The following TBXAS1 variants were observed in gnomAD, a reference collection of about 807,000 sequenced individuals.
TBXAS1 encodes the protein thromboxane-A synthase.
In TBXAS1, 48 loss-of-function variants were observed where a neutral mutation model predicts 60.7. That is an observed-to-expected ratio of 0.79 (90% confidence interval 0.63 to 1.01). The LOEUF is 1.01. TBXAS1 is among the 50% of genes least tolerant of loss of function. TBXAS1 has a pLI of 0.00. For synonymous variants in TBXAS1, 287 were observed against 269.7 expected, an observed-to-expected ratio of 1.06 and a Z score of -0.63; for missense variants, 685 against 686.3, an observed-to-expected ratio of 1.00 and a Z score of 0.02.
intron 4 of TBXAS1, among the ~76,000 whole-genome samples, chr7:139,804,332 G>C (rs1797790534): frequency 1.3e-5 from 2 of 152,226 alleles, no homozygotes; most frequent in Non-Finnish European, 2.9e-5. Context: ...TGAAATGGAT[G>C]TATTTACCCA....
chr7:139,837,073 C>T (rs570339637), intron 1 of TBXAS1, among the ~76,000 whole-genome samples: 1 of 152,302 alleles, frequency 6.6e-6, no homozygotes, highest in East Asian at 1.9e-4. Context: ...ACAACACTAA[C>T]GACCAGGGAA....
At chr7:139,821,959 T>C (rs1376472210) in intron 4 of TBXAS1, among the ~76,000 whole-genome samples, 3 of 152,188 alleles carry the variant, frequency 2.0e-5, no homozygotes, top group Non-Finnish European at 4.4e-5. Flanking sequence ...GTGGCTTCAG[T>C]GGAAACAATC....
At chr7:139,805,933 CTTTT>C (rs35769530) in intron 4 of TBXAS1, among the ~76,000 whole-genome samples, 15 of 104,774 alleles carry the variant, frequency 1.4e-4, no homozygotes, top group Non-Finnish European at 2.5e-4. Context: ...CAAATTTTTG[CTTTT>C]TTTTTTTTTT....
intron 3 of TBXAS1, among the ~76,000 whole-genome samples, chr7:139,903,799 G>A (rs1341020356): frequency 6.6e-6 from 1 of 151,700 alleles, no homozygotes; most frequent in Non-Finnish European, 1.5e-5. Context: ...TGATGGGATT[G>A]TTTGTTTTTT....
chr7:139,790,835 C>T (rs1398005491), intron 4 of TBXAS1, among the ~76,000 whole-genome samples: 1 of 152,236 alleles, frequency 6.6e-6, no homozygotes, highest in Admixed American at 6.5e-5. Flanking sequence ...CAGGGTCTCA[C>T]TGTGTCACCC....
intron 3 of TBXAS1, among the ~76,000 whole-genome samples, chr7:139,885,495 C>T (rs1803019699): frequency 6.6e-6 from 1 of 152,232 alleles, no homozygotes; most frequent in Non-Finnish European, 1.5e-5. Flanking sequence ...AAGCACATGG[C>T]TGTATGCATA....
At chr7:139,950,699 ACGGGACCCCC>A (rs1809155906) in intron 5 of TBXAS1, among the ~76,000 whole-genome samples, 1 of 146,370 alleles carries the variant, frequency 6.8e-6, no homozygotes, top group Non-Finnish European at 1.5e-5. Flanking sequence ...CCCTCCATCT[ACGGGACCCCC>A]TCGCCCTCCA....
At chr7:139,985,059 T>C (rs1193542536) in intron 9 of TBXAS1, among the ~76,000 whole-genome samples, 3 of 152,236 alleles carry the variant, frequency 2.0e-5, no homozygotes, top group Admixed American at 2.0e-4. Flanking sequence ...CCCAGGATTC[T>C]GCTGGAGATC....
chr7:140,019,880 A>C, intron 12 of TBXAS1, 145 bp from the exon 13 acceptor site: 1 of 762,988 alleles, frequency 1.3e-6, no homozygotes. Flanking sequence ...GGAGTCACTG[A>C]AAGATAGGTT....
At chr7:139,995,226 A>C (rs1354697476) in intron 9 of TBXAS1, among the ~76,000 whole-genome samples, 1 of 152,162 alleles carries the variant, frequency 6.6e-6, no homozygotes, top group Non-Finnish European at 1.5e-5. Context: ...TTTAACATGC[A>C]GTTGCTTTTA....
intron 5 of TBXAS1, among the ~76,000 whole-genome samples, chr7:139,938,922 G>A (rs1404993507): frequency 1.3e-5 from 2 of 152,152 alleles, no homozygotes; most frequent in Non-Finnish European, 2.9e-5. Flanking sequence ...CCCCTTACAG[G>A]GGATACTCCA....
chr7:139,893,781 T>C (rs1584786561), intron 3 of TBXAS1, among the ~76,000 whole-genome samples: 1 of 152,208 alleles, frequency 6.6e-6, no homozygotes, highest in East Asian at 1.9e-4. Context: ...GGCAGATTGG[T>C]TTGTAGCTTA....
At chr7:139,850,571 C>T (rs1430670238) in intron 1 of TBXAS1, among the ~76,000 whole-genome samples, 1 of 152,062 alleles carries the variant, frequency 6.6e-6, no homozygotes, top group Non-Finnish European at 1.5e-5. Flanking sequence ...AGTAGTGTCC[C>T]CTCGCCCCCA....
chr7:139,782,218 T>TGTTAAA (rs1317710677), intron 2 of TBXAS1, among the ~76,000 whole-genome samples: 1 of 149,354 alleles, frequency 6.7e-6, no homozygotes, highest in Non-Finnish European at 1.5e-5. Context: ...TTTTTTTTTT[T>TGTTAAA]AACAGTACAT....
chr7:139,873,583 G>A (rs1801988261), intron 2 of TBXAS1, among the ~76,000 whole-genome samples: 1 of 152,228 alleles, frequency 6.6e-6, no homozygotes, highest in Non-Finnish European at 1.5e-5. Flanking sequence ...AGGGGAACAG[G>A]GAGAATGGCT....
chr7:139,930,076 C>A (rs186422614), intron 4 of TBXAS1, among the ~76,000 whole-genome samples: 1 of 152,138 alleles, frequency 6.6e-6, no homozygotes, highest in African/African-American at 2.4e-5. Flanking sequence ...CCTCCAGCCG[C>A]GCCACATCCT....
At chr7:139,833,815 T>C (rs1236262142) in intron 1 of TBXAS1, among the ~76,000 whole-genome samples, 2 of 151,890 alleles carry the variant, frequency 1.3e-5, no homozygotes, top group East Asian at 3.9e-4. Context: ...TACAAAACAA[T>C]TAAAATAGGC....
chr7:139,962,041 C>T lies in TBXAS1; in HGVS notation c.942C>T (p.Ser314=). 2 of 1,614,234 alleles carry T rather than the reference C, an allele frequency of 1.2e-6. No individual in the cohort carries two copies. Among genetic ancestry groups the T allele is most frequent in the Non-Finnish European group, 1.7e-6 (2 of 1,180,046 alleles). ...FSSTGCKPNP[S]RQHQPSPMAR... Reference sequence around the variant, plus strand: ...CTACTGGGTGCAAGCCGAACCCTTCCCGGCAACACCAGCCCAGCCCTATGG... The same window carrying T: ...CTACTGGGTGCAAGCCGAACCCTTCTCGGCAACACCAGCCCAGCCCTATGG... The change falls in exon 9 of 13, where the codon TCC becomes TCT. Residue 314 remains serine, a synonymous_variant. Coordinates refer to ENST00000448866, the MANE Select transcript of TBXAS1 (RefSeq NM_001061.7).
rs982053696 is a variant in TBXAS1, at chr7:139,852,682, T to G, written c.90-19553T>G. On this transcript the variant is annotated intron_variant, in intron 1 of 12. Coordinates refer to ENST00000448866, the MANE Select transcript of TBXAS1 (RefSeq NM_001061.7). This position sits in a 1 kb window ranked among gnomAD's most constrained non-coding sequence, Gnocchi z 4.4. ...ACTCTTAACAATATTCTTTTGTTACTTTGAGTTACCCAAGCTCTTTAAACT... is the reference window on the plus strand; with the variant it reads ...ACTCTTAACAATATTCTTTTGTTACGTTGAGTTACCCAAGCTCTTTAAACT... Among the ~76,000 whole-genome samples the G allele has an allele frequency of 3.3e-5, 5 of 152,300 alleles. No individual in the cohort carries two copies. Among genetic ancestry groups the G allele is most frequent in the South Asian group, 2.1e-4 (1 of 4,824 alleles).
Sources: allele counts gnomAD v4.1 joint callset (sites outside exome capture counted in the v4.1 genomes callset), GRCh38; gene constraint gnomAD v4.1.1; non-coding constraint Gnocchi (gnomAD v3.1); transcripts MANE v1.5; gene names NCBI Gene and HGNC (gene_info 2026-07-23, HGNC 2026-07-21).